Variants in FBXO36 observed in about 807,000 individuals in gnomAD.
The protein encoded by FBXO36 is F-box protein 36.
A neutral mutation model predicts 17.0 loss-of-function variants in FBXO36; 18 were observed. The observed-to-expected ratio is 1.06, with a 90% confidence interval of 0.73 to 1.57. The LOEUF (loss-of-function observed/expected upper bound fraction) is 1.57. Among genes scored for constraint, FBXO36 ranks in the 40% most tolerant of loss-of-function variants. The pLI is 0.00. For synonymous variants in FBXO36, 83 were observed against 85.3 expected (o/e 0.97, Z 0.15); for missense variants, 229 against 221.9 (o/e 1.03, Z -0.20).
chr2:229,924,060 C>T (rs1014012019), intron 1 of FBXO36, among the ~76,000 whole-genome samples: 1 of 148,744 alleles, frequency 6.7e-6, no homozygotes, highest in Non-Finnish European at 1.5e-5. Context: ...ATTTTTTAAA[C>T]GGATTATTGA....
intron 1 of FBXO36, among the ~76,000 whole-genome samples, chr2:229,931,583 G>A (rs2076938552): frequency 6.6e-6 from 1 of 152,190 alleles, no homozygotes; most frequent in Admixed American, 6.5e-5. Flanking sequence ...GCTCACACCT[G>A]TAATCCCAGC....
chr2:230,007,050 A>G (rs1312582948), intron 3 of FBXO36, among the ~76,000 whole-genome samples: 1 of 152,254 alleles, frequency 6.6e-6, no homozygotes, highest in Non-Finnish European at 1.5e-5. Flanking sequence ...ATGAGCAACC[A>G]GCATACTGGA....
chr2:229,992,350 G>T (rs2077302161), intron 2 of FBXO36, among the ~76,000 whole-genome samples: 1 of 151,974 alleles, frequency 6.6e-6, no homozygotes, highest in African/African-American at 2.4e-5. Context: ...TAGAGATGAT[G>T]TTTCACCATG....
chr2:229,965,773 A>G (rs1560443465), intron 1 of FBXO36, among the ~76,000 whole-genome samples: 3 of 152,006 alleles, frequency 2.0e-5, no homozygotes, highest in Non-Finnish European at 4.4e-5. Flanking sequence ...CCACTCTATC[A>G]TTGTTGGACA....
chr2:229,975,429 A>C (rs2077202371), intron 1 of FBXO36, among the ~76,000 whole-genome samples: 1 of 150,348 alleles, frequency 6.7e-6, no homozygotes, highest in Admixed American at 6.6e-5. Context: ...ACAGATAACC[A>C]TTTGGCTCCG....
At chr2:229,949,596 G>A (rs2077046156) in intron 1 of FBXO36, among the ~76,000 whole-genome samples, 1 of 151,724 alleles carries the variant, frequency 6.6e-6, no homozygotes, top group African/African-American at 2.4e-5. Flanking sequence ...TAGATGCTGA[G>A]AAATACTTGG....
intron 1 of FBXO36, among the ~76,000 whole-genome samples, chr2:229,951,991 A>G (rs1024684722): frequency 2.0e-5 from 3 of 152,014 alleles, no homozygotes; most frequent in African/African-American, 4.8e-5. Flanking sequence ...TAACTTGGTG[A>G]AAAAAAAATT....
chr2:229,928,918 A>G (rs1490157725), intron 1 of FBXO36, among the ~76,000 whole-genome samples: 1 of 150,604 alleles, frequency 6.6e-6, no homozygotes, highest in South Asian at 2.1e-4. Flanking sequence ...GAATTTCTGT[A>G]CCCATCCTTA....
In FBXO36 at chr2:230,011,598, C is replaced by CTTTTTTTTTTT. The variant is rs5839351; in HGVS notation, c.*721_*731dup. Reference sequence around the variant, plus strand: ...AACCTATAAACATTTCTTTTCTTTTCTTTTTTTTTTTTTTTTTGTATTTTC... The same window carrying CTTTTTTTTTTT: ...AACCTATAAACATTTCTTTTCTTTTCTTTTTTTTTTTTTTTTTTTTTTTTTTTTGTATTTTC... On this transcript the variant is annotated 3_prime_UTR_variant, in exon 4 of 4. Transcript: ENST00000283946. 8.1e-4 allele frequency: 100 copies of CTTTTTTTTTTT among 123,342 alleles called. No homozygotes were observed. Among genetic ancestry groups the CTTTTTTTTTTT allele is most frequent in the East Asian group, 9.2e-4 (4 of 4,356 alleles). The allele number at this position is 123,342 out of a possible 1,614,324, so 7.6% of individuals were successfully genotyped here. A position where few individuals can be genotyped will look rare whatever the true frequency, so the allele number is the denominator to read the frequency against.
At chr2:229,992,764 C>T (rs1435293471) in intron 2 of FBXO36, among the ~76,000 whole-genome samples, 1 of 152,162 alleles carries the variant, frequency 6.6e-6, no homozygotes, top group Non-Finnish European at 1.5e-5. Context: ...TTGGGAGCAA[C>T]TTAACTGAGT....
At chr2:229,937,887 C>G (rs1028270609) in intron 1 of FBXO36, 1 of 152,166 alleles carries the variant, frequency 6.6e-6, no homozygotes, top group Non-Finnish European at 1.5e-5. Flanking sequence ...GAGCACAGGT[C>G]TCTCTTCTTG....
intron 1 of FBXO36, among the ~76,000 whole-genome samples, chr2:229,937,500 AAATAAT>A (rs1252751341): frequency 1.3e-5 from 2 of 152,140 alleles, no homozygotes; most frequent in Non-Finnish European, 1.5e-5. Flanking sequence ...CGTTTCAAAA[AAATAAT>A]AATAATTTAA....
intron 1 of FBXO36, among the ~76,000 whole-genome samples, chr2:229,951,693 A>G (rs551758598): frequency 1.7e-5 from 2 of 115,690 alleles, no homozygotes; most frequent in Non-Finnish European, 4.1e-5. Flanking sequence ...TGGGGCATTT[A>G]GAAGAAGTGA....
chr2:229,986,558 AG>A (rs2077269418), intron 2 of FBXO36, among the ~76,000 whole-genome samples: 1 of 148,742 alleles, frequency 6.7e-6, no homozygotes, highest in African/African-American at 2.5e-5. Context: ...TTTTGGAGAC[AG>A]AGTCTCCCTC....
At chr2:229,937,773 CTT>C (rs200554824) in intron 1 of FBXO36, 7 of 151,302 alleles carry the variant, frequency 4.6e-5, no homozygotes, top group African/African-American at 1.5e-4. Flanking sequence ...GTTTCTCTCT[CTT>C]TTTTTTTAAG....
intron 2 of FBXO36, among the ~76,000 whole-genome samples, chr2:229,984,072 G>A (rs1476807815): frequency 6.6e-6 from 1 of 152,158 alleles, no homozygotes; most frequent in Non-Finnish European, 1.5e-5. Context: ...AAATCAGGTT[G>A]GGCGCGGTGG....
chr2:229,964,240 C>G (rs1456299119), intron 1 of FBXO36, among the ~76,000 whole-genome samples: 1 of 152,040 alleles, frequency 6.6e-6, no homozygotes, highest in Non-Finnish European at 1.5e-5. Context: ...CAGTAAAAAT[C>G]ACTCTTTTCA....
rs1371987215 is a variant in FBXO36, at chr2:229,966,907, A to G, written c.97-9334A>G. Among the ~76,000 whole-genome samples, 12 of 152,262 alleles carry G rather than the reference A, an allele frequency of 7.9e-5. No individual in the cohort carries two copies. The East Asian group carries it at 1.7e-3, about 22-fold the overall frequency. ...ATGAACTTTAAAGTAGTTTTTTCCAATTCTGTGAAGAAAGTCATTGGTAGC... is the reference window on the plus strand; with the variant it reads ...ATGAACTTTAAAGTAGTTTTTTCCAGTTCTGTGAAGAAAGTCATTGGTAGC... On this transcript the variant is annotated intron_variant, in intron 1 of 3. Coordinates refer to ENST00000283946, the MANE Select transcript of FBXO36 (RefSeq NM_174899.5).
At chr2:229,979,901 T>C (rs1471040111) in intron 2 of FBXO36, among the ~76,000 whole-genome samples, 1 of 152,012 alleles carries the variant, frequency 6.6e-6, no homozygotes, top group African/African-American at 2.4e-5. Flanking sequence ...AACAATCATA[T>C]TGGCAGAAGA....
Sources: allele counts gnomAD v4.1 joint callset (sites outside exome capture counted in the v4.1 genomes callset), GRCh38; gene constraint gnomAD v4.1.1; transcripts MANE v1.5; gene names NCBI Gene and HGNC (gene_info 2026-07-23, HGNC 2026-07-21).